Variants in SLC22A8 observed in about 807,000 individuals in gnomAD.
SLC22A8 encodes organic anion transporter 3.
SLC22A8 carries 40 observed loss-of-function variants against 48.4 expected under a neutral mutation model. The ratio of observed to expected loss-of-function variants is 0.83; its 90% CI spans 0.64 to 1.08. The LOEUF (loss-of-function observed/expected upper bound fraction) is 1.08. Among genes scored for constraint, SLC22A8 ranks in the 50% least tolerant of loss-of-function variants. The probability of loss-of-function intolerance (pLI) is 0.00; values close to 1 mark genes in which losing one functional copy is unlikely to be tolerated. For missense variants in SLC22A8, 606 were observed against 699.0 expected, an observed-to-expected ratio of 0.87 and a Z score of 1.50; for synonymous variants, 268 against 286.3, an observed-to-expected ratio of 0.94 and a Z score of 0.65.
intron 2 of SLC22A8, among the ~76,000 whole-genome samples, chr11:63,001,687 C>T (rs550263700): frequency 1.3e-5 from 2 of 152,268 alleles, no homozygotes; most frequent in South Asian, 4.2e-4. Flanking sequence ...TTTCCCCAGG[C>T]GATGCCATCT....
At position 63,009,694 on chromosome 11, in the gene SLC22A8, C is replaced by T. The variant is rs1278991179; in HGVS notation, c.333+4932G>A. Among the ~76,000 whole-genome samples, 2 of 152,192 alleles carry T rather than the reference C, an allele frequency of 1.3e-5. 1 individual carries two copies. The highest frequency in any genetic ancestry group is 2.9e-5 in the Non-Finnish European group (2 of 68,038). Reference sequence around the variant, plus strand: ...AAGAGAAAGGAATTTGTGGTCACCCCTGCCAGGAAAGCTTAGGGGATCAGA... The same window carrying T: ...AAGAGAAAGGAATTTGTGGTCACCCTTGCCAGGAAAGCTTAGGGGATCAGA... On this transcript the variant is annotated intron_variant, in intron 2 of 10. Transcript: ENST00000336232.
At position 63,011,605 on chromosome 11, in the gene SLC22A8, T is replaced by C. The variant is rs1046213469; in HGVS notation, c.333+3021A>G. Among the ~76,000 whole-genome samples the C allele has an allele frequency of 1.2e-3, 186 of 152,146 alleles. 2 individuals are homozygous for C. Among genetic ancestry groups the C allele is most frequent in the African/African-American group, 4.3e-3 (177 of 41,408 alleles). On this transcript the variant is annotated intron_variant, in intron 2 of 10. Transcript: ENST00000336232. ...CATTCAGTTGCATTCAGTTACCAGG[T>C]CCCAGAGACTCCAACTTCCTGGCCT...
At chr11:63,002,060 A>C (rs1405682095) in intron 2 of SLC22A8, among the ~76,000 whole-genome samples, 1 of 152,092 alleles carries the variant, frequency 6.6e-6, no homozygotes. Flanking sequence ...ACAGGTGTGC[A>C]TGACCACACC....
chr11:62,999,541 A>T, intron 4 of SLC22A8, 147 bp downstream of exon 4: 1 of 574,992 alleles, frequency 1.7e-6, no homozygotes, highest in Non-Finnish European at 3.0e-6. Context: ...TTTTAAATTT[A>T]AGTGAGGCCT....
intron 2 of SLC22A8, among the ~76,000 whole-genome samples, chr11:63,013,816 G>A (rs567209318): frequency 6.6e-6 from 1 of 152,324 alleles, no homozygotes; most frequent in East Asian, 1.9e-4. Flanking sequence ...CTGTCAGTTA[G>A]TGACGCCCAA....
intron 5 of SLC22A8, among the ~76,000 whole-genome samples, chr11:62,997,114 G>T (rs2086430651): frequency 6.6e-6 from 1 of 152,238 alleles, no homozygotes. Flanking sequence ...TCCTCTTCCC[G>T]AGAATTATGG....
rs747979511 is a variant in SLC22A8, at chr11:62,994,749, T to C, written c.1009A>G (p.Thr337Ala). The change falls in exon 8 of 11, where the codon ACC (threonine) becomes GCC (alanine). Residue 337 changes from threonine (T) to alanine (A), a missense_variant. Transcript: ENST00000336232. Reference sequence around the variant, plus strand: ...GCCAAACTATAGTAGGCAAAACCGGTAGCAAACCTGAGAGGCAGAGAAGGA... The same window carrying C: ...GCCAAACTATAGTAGGCAAAACCGGCAGCAAACCTGAGAGGCAGAGAAGGA... ...TFCLSLAWFA[T>A]GFAYYSLAMG... The C allele has an allele frequency of 6.2e-7, 1 of 1,613,904 alleles. No homozygotes were observed. The highest frequency in any genetic ancestry group is 1.1e-5 in the South Asian group (1 of 91,070).
chr11:63,001,550 C>T (rs942055244), intron 2 of SLC22A8, among the ~76,000 whole-genome samples: 2 of 152,224 alleles, frequency 1.3e-5, no homozygotes, highest in Non-Finnish European at 2.9e-5. Flanking sequence ...GATGTGGATG[C>T]TGCTGATCTC....
intron 8 of SLC22A8, 103 bp from the exon 9 acceptor site, chr11:62,993,981 A>C (rs1376548752): frequency 4.1e-6 from 3 of 740,254 alleles, no homozygotes; most frequent in African/African-American, 1.7e-5. Flanking sequence ...GCTTCCAAGA[A>C]GCTCAGATCC....
intron 2 of SLC22A8, among the ~76,000 whole-genome samples, chr11:63,003,394 C>A (rs1057146037): frequency 6.6e-6 from 1 of 152,114 alleles, no homozygotes; most frequent in Non-Finnish European, 1.5e-5. Flanking sequence ...AGTGGCCCAG[C>A]ATGGCCAGCA....
In SLC22A8 at chr11:63,014,869, G is replaced by A. The variant is rs141819551; in HGVS notation, c.90C>T (p.Asn30=). 6.2e-6 allele frequency: 10 copies of A among 1,610,736 alleles called. No homozygotes were observed. In the African/African-American group the frequency reaches 1.2e-4, roughly 19 times the overall value. ...HVAILGLPIL[N]MANHNLLQIF... ...TCTGCAGCAGGTTGTGGTTGGCCAT[G>A]TTGAGGATCGGGAGGCCCAGTATGG... Residue 30 remains asparagine (N), a synonymous_variant, in exon 2 of 11, where the codon AAC becomes AAT. Coordinates refer to ENST00000336232, the MANE Select transcript of SLC22A8 (RefSeq NM_004254.4).
rs2086459440 is a variant in SLC22A8, at chr11:62,999,085, C to T, written c.597G>A (p.Val199=). The T allele has an allele frequency of 3.1e-6, 5 of 1,612,294 alleles. No individual in the cohort carries two copies. Among genetic ancestry groups the T allele is most frequent in the African/African-American group, 2.7e-5 (2 of 75,046 alleles). Residue 199 remains valine, a synonymous_variant, in exon 5 of 11, where the codon GTG becomes GTA. Transcript: ENST00000336232. ...GITLSTVILN[V]EWVPTRMRAI... ...CCCGCATCCGGGTAGGCACCCATTC[C>T]ACATCTGTGGGAGGAGTCCAAGCAC... is the stretch of plus-strand genomic sequence containing the variant.
At chr11:63,006,955 T>A (rs1462375618) in intron 2 of SLC22A8, among the ~76,000 whole-genome samples, 1 of 152,114 alleles carries the variant, frequency 6.6e-6, no homozygotes, top group Non-Finnish European at 1.5e-5. Flanking sequence ...ACATAGTATA[T>A]GTTAATGTTT....
rs752532213 is a variant in SLC22A8 at position 62,993,728 on chromosome 11, C to CTGT, written c.1325+39_1325+41dup. 1.9e-6 allele frequency: 3 copies of CTGT among 1,590,192 alleles called. No homozygotes were observed. In the South Asian group the frequency reaches 3.3e-5, roughly 18 times the overall value. On this transcript the variant is annotated intron_variant, in intron 9 of 10. Transcript: ENST00000336232. Reference sequence around the variant, plus strand: ...GGACAATGCCACAGTCCCACCTGACCTGTGTCCTCTGGCTGGGCCTGGCCC... The same window carrying CTGT: ...GGACAATGCCACAGTCCCACCTGACCTGTTGTGTCCTCTGGCTGGGCCTGGCCC...
At chr11:63,006,602 T>TTTTTTTTTG (rs2086558540) in intron 2 of SLC22A8, among the ~76,000 whole-genome samples, 1 of 95,030 alleles carries the variant, frequency 1.1e-5, no homozygotes, top group Admixed American at 9.2e-5. Flanking sequence ...TGAGTTTTTT[T>TTTTTTTTTG]TTTTTTTTTT....
chr11:62,994,426 T>C lies in SLC22A8; in HGVS notation c.1216+116A>G. 6 of 729,508 alleles carry C rather than the reference T, an allele frequency of 8.2e-6. 1 individual carries two copies. In the South Asian group the frequency reaches 8.4e-5, roughly 10 times the overall value. The allele number at this position is 729,508 out of a possible 1,614,324, so 45.2% of individuals were successfully genotyped here. Reference sequence around the variant, plus strand: ...AAGAGAGACCCTGAGCCCCAGAGAGTGCAGGGACCTGCTCAAGGTAACACA... The same window carrying C: ...AAGAGAGACCCTGAGCCCCAGAGAGCGCAGGGACCTGCTCAAGGTAACACA... On this transcript the variant is annotated intron_variant, in intron 8 of 10. Transcript: ENST00000336232.
At chr11:63,003,148 G>C (rs1339610033) in intron 2 of SLC22A8, among the ~76,000 whole-genome samples, 1 of 152,196 alleles carries the variant, frequency 6.6e-6, no homozygotes, top group Non-Finnish European at 1.5e-5. Context: ...CTGCCTACCT[G>C]TCTGGTCTAA....
chr11:62,997,139 A>G (rs1039352701), intron 5 of SLC22A8, among the ~76,000 whole-genome samples: 2 of 152,236 alleles, frequency 1.3e-5, no homozygotes, highest in African/African-American at 4.8e-5. Flanking sequence ...AATGGCTTAC[A>G]GTTAGTGAGC....
chr11:62,999,836 G>T lies in SLC22A8; in HGVS notation c.444C>A (p.Gly148=), dbSNP rs1466602021. ...AGCTGCAGGTCAGGATGGGCCTGCG[G>T]CCAAACCTGTAGCTCGAAGGAGAGG... ...LVLGDLSDRF[G]RRPILTCSYL... is the part of the protein sequence containing the mutation. Residue 148 remains glycine (G), a synonymous_variant, in exon 4 of 11, where the codon GGC becomes GGA. Transcript: ENST00000336232. 6.4e-7 allele frequency: 1 copy of T among 1,553,966 alleles called. No individual in the cohort carries two copies. The highest frequency in any genetic ancestry group is 1.4e-5 in the African/African-American group (1 of 72,492).
Sources: allele counts gnomAD v4.1 joint callset (sites outside exome capture counted in the v4.1 genomes callset), GRCh38; gene constraint gnomAD v4.1.1; transcripts MANE v1.5; gene names NCBI Gene and HGNC (gene_info 2026-07-23, HGNC 2026-07-21).